LRRC28: variants seen among roughly 807,000 people sequenced by gnomAD.
LRRC28 encodes leucine rich repeat containing 28.
Under a neutral mutation model 45.7 loss-of-function variants are expected in LRRC28, and 39 were observed. The ratio of observed to expected loss-of-function variants is 0.85; its 90% confidence interval spans 0.66 to 1.12. The LOEUF is 1.12. Ranked by LOEUF, LRRC28 falls within the 50% of genes most tolerant of loss-of-function variation. The probability of loss-of-function intolerance (pLI) is 0.00; values close to 1 mark genes in which losing one functional copy is unlikely to be tolerated. For missense variants in LRRC28, 435 were observed against 438.5 expected, an observed-to-expected ratio of 0.99 and a Z score of 0.07; for synonymous variants, 206 against 178.8, an observed-to-expected ratio of 1.15 and a Z score of -1.22.
rs1046922884 is a variant in LRRC28 at position 99,255,395 on chromosome 15, A to C, written c.-60-503A>C. On this transcript the variant is annotated intron_variant, in intron 1 of 9. Transcript: ENST00000301981. ...GAAGAAAGAAAAGAATAAAGAGATA[A>C]AGAAAAAAATCAGAATATAGGACAA... is the stretch of plus-strand genomic sequence containing the variant. 2.0e-5 allele frequency among the ~76,000 whole-genome samples: 3 copies of C among 152,092 alleles called. No individual in the cohort carries two copies. In the East Asian group the frequency reaches 5.8e-4, roughly 29 times the overall value.
intron 5 of LRRC28, among the ~76,000 whole-genome samples, chr15:99,296,305 C>T (rs2082261083): frequency 6.6e-6 from 1 of 152,206 alleles, no homozygotes; most frequent in Non-Finnish European, 1.5e-5. Context: ...TTCCATTGTG[C>T]CTACCTACTA....
chr15:99,280,532 T>G (rs1482981196), intron 3 of LRRC28, among the ~76,000 whole-genome samples: 1 of 152,076 alleles, frequency 6.6e-6, no homozygotes, highest in Non-Finnish European at 1.5e-5. Context: ...GTTCATGATA[T>G]TCATTATTCC....
chr15:99,265,650 C>T (rs945696325), intron 2 of LRRC28, among the ~76,000 whole-genome samples: 1 of 152,088 alleles, frequency 6.6e-6, no homozygotes, highest in African/African-American at 2.4e-5. Flanking sequence ...TAAAGTTCCT[C>T]AAGGGAGGAA....
intron 4 of LRRC28, among the ~76,000 whole-genome samples, chr15:99,287,597 T>G (rs989899788): frequency 6.6e-6 from 1 of 152,184 alleles, no homozygotes. Context: ...TTAGTCTTAA[T>G]GTTTTTATTT....
At chr15:99,317,299 A>C (rs1955632930) in intron 5 of LRRC28, among the ~76,000 whole-genome samples, 1 of 152,316 alleles carries the variant, frequency 6.6e-6, no homozygotes, top group East Asian at 1.9e-4. Flanking sequence ...AACCTTTTCC[A>C]AACTTTCTTT....
intron 6 of LRRC28, among the ~76,000 whole-genome samples, 164 bp from the exon 7 acceptor site, chr15:99,352,205 G>A (rs925526132): frequency 6.6e-6 from 1 of 152,160 alleles, no homozygotes; most frequent in Non-Finnish European, 1.5e-5. Flanking sequence ...GGCAGAACTA[G>A]GCTTGTTTAG....
At chr15:99,258,442 A>G in intron 2 of LRRC28, 1 of 875,948 alleles carries the variant, frequency 1.1e-6, no homozygotes. Flanking sequence ...TTCACAGTTC[A>G]TAAACTTTCC....
chr15:99,328,941 C>T (rs1371339784), intron 5 of LRRC28, among the ~76,000 whole-genome samples: 2 of 151,822 alleles, frequency 1.3e-5, no homozygotes, highest in Non-Finnish European at 2.9e-5. Flanking sequence ...TCCCAGCGTT[C>T]CAGCTTGCAG....
At chr15:99,254,192 A>G (rs1850392942) in intron 1 of LRRC28, among the ~76,000 whole-genome samples, 2 of 152,230 alleles carry the variant, frequency 1.3e-5, no homozygotes, top group African/African-American at 4.8e-5. Flanking sequence ...AGATGTGGAA[A>G]AATTATCTTG....
chr15:99,339,680 G>A (rs958200541), intron 6 of LRRC28, among the ~76,000 whole-genome samples: 17 of 150,484 alleles, frequency 1.1e-4, no homozygotes, highest in South Asian at 8.4e-4. Context: ...AGCCGAGATC[G>A]CACCACTGCA....
intron 5 of LRRC28, among the ~76,000 whole-genome samples, chr15:99,303,178 A>G (rs1265669293): frequency 1.3e-5 from 2 of 152,136 alleles, no homozygotes; most frequent in Non-Finnish European, 2.9e-5. Flanking sequence ...TATGGTAGCT[A>G]TTCTAGTTGC....
At chr15:99,299,722 A>C (rs1222574379) in intron 5 of LRRC28, among the ~76,000 whole-genome samples, 2 of 151,578 alleles carry the variant, frequency 1.3e-5, no homozygotes, top group Non-Finnish European at 2.9e-5. Context: ...TTTGTTATGA[A>C]CCCCCCCACT....
intron 9 of LRRC28, 72 bp from the exon 10 acceptor site, chr15:99,385,958 T>C: frequency 7.2e-7 from 1 of 1,397,670 alleles, no homozygotes; most frequent in Non-Finnish European, 1.0e-6. Flanking sequence ...AAGAAAAAAG[T>C]TTCCAGCAGA....
chr15:99,363,450 TTA>T (rs1957261593), intron 9 of LRRC28, 185 bp downstream of exon 9: 1 of 607,862 alleles, frequency 1.6e-6, no homozygotes, highest in Admixed American at 3.3e-5. Context: ...CTTGCCTTTA[TTA>T]ATTTTTTGGT....
chr15:99,296,732 A>G (rs2082273716), intron 5 of LRRC28, among the ~76,000 whole-genome samples: 1 of 152,182 alleles, frequency 6.6e-6, no homozygotes, highest in Non-Finnish European at 1.5e-5. Context: ...ATGCCATGCT[A>G]TGTGCTAGAG....
At chr15:99,283,722 A>C (rs961861935) in intron 3 of LRRC28, among the ~76,000 whole-genome samples, 13 of 152,274 alleles carry the variant, frequency 8.5e-5, no homozygotes, top group African/African-American at 3.1e-4. Flanking sequence ...ATTTAAAAAA[A>C]ACTGCCAAGC....
chr15:99,328,529 C>T (rs1431867795), intron 5 of LRRC28, among the ~76,000 whole-genome samples: 2 of 151,868 alleles, frequency 1.3e-5, no homozygotes, highest in Non-Finnish European at 2.9e-5. Flanking sequence ...GGAGTGGACT[C>T]GTGGCCTTAA....
At chr15:99,283,273 A>G (rs1478064063) in intron 3 of LRRC28, among the ~76,000 whole-genome samples, 1 of 151,876 alleles carries the variant, frequency 6.6e-6, no homozygotes, top group Non-Finnish European at 1.5e-5. Flanking sequence ...TATGGGTCAT[A>G]CTGGTGTACC....
chr15:99,343,593 T>C (rs1438868343), intron 6 of LRRC28, among the ~76,000 whole-genome samples: 1 of 152,250 alleles, frequency 6.6e-6, no homozygotes, highest in Non-Finnish European at 1.5e-5. Context: ...AAAAGTTCTT[T>C]GTGGCTGTAG....
Sources: gnomAD v4.1 joint callset for allele counts (sites outside exome capture counted in the v4.1 genomes callset) on GRCh38, gnomAD v4.1.1 for gene constraint, MANE v1.5 for transcripts, NCBI Gene and HGNC (gene_info 2026-07-23, HGNC 2026-07-21) for gene names.